RPL14: variants seen among roughly 807,000 people sequenced by gnomAD.
The protein encoded by RPL14 is ribosomal protein L14.
In RPL14, 4 loss-of-function variants were observed where a neutral mutation model predicts 25.3. That is an observed-to-expected ratio of 0.16 (90% confidence interval 0.08 to 0.36). The LOEUF (loss-of-function observed/expected upper bound fraction) is 0.36. Ranked by LOEUF, RPL14 falls within the 10% of genes least tolerant of loss-of-function variation. RPL14 has a pLI of 1.00. For missense variants in RPL14, 212 were observed against 261.9 expected (o/e 0.81, Z 1.31); for synonymous variants, 75 against 89.8 (o/e 0.84, Z 0.93).
chr3:40,464,766 A>G lies in RPL14; in HGVS notation c.*2534A>G. 3.8e-6 allele frequency: 1 copy of G among 265,176 alleles called. No homozygotes were observed. Among genetic ancestry groups the G allele is most frequent in the East Asian group, 8.5e-5 (1 of 11,816 alleles). 16.4% of individuals were successfully genotyped at this position (265,176 alleles called of 1,614,324 possible). A position where few individuals can be genotyped will look rare whatever the true frequency, so the allele number is the denominator to read the frequency against. On this transcript the variant is annotated 3_prime_UTR_variant, in exon 6 of 6. Transcript: ENST00000396203. Reference sequence around the variant, plus strand: ...TTAGGTGGTCTTGATCATGCATTGGACTGCAGAAATAAGGGAGAAAACAAT... The same window carrying G: ...TTAGGTGGTCTTGATCATGCATTGGGCTGCAGAAATAAGGGAGAAAACAAT...
chr3:40,461,807 A>T (rs11707190), intron 5 of RPL14, 132 bp from the exon 6 acceptor site: 5 of 1,270,440 alleles, frequency 3.9e-6, no homozygotes, highest in Admixed American at 5.4e-5. Flanking sequence ...TGATGTCCCT[A>T]TGGAATTGTT....
intron 3 of RPL14, among the ~76,000 whole-genome samples, chr3:40,459,874 A>AAAAC (rs1553649147): frequency 1.3e-5 from 2 of 151,094 alleles, no homozygotes; most frequent in East Asian, 1.9e-4. Flanking sequence ...AAAAAAAAAA[A>AAAAC]AAAAAACTTA....
chr3:40,459,743 C>T (rs1696903371), intron 3 of RPL14, among the ~76,000 whole-genome samples: 1 of 151,044 alleles, frequency 6.6e-6, no homozygotes, highest in South Asian at 2.1e-4. Flanking sequence ...CCTGTAGTCC[C>T]AGCTACTTCA....
At position 40,462,015 on chromosome 3, in the gene RPL14, C is replaced by T. The variant is rs148931839; in HGVS notation, c.431C>T (p.Pro144Leu). 63,517 of 1,427,424 alleles carry T rather than the reference C, an allele frequency of 0.044. 1,385 individuals are homozygous for T. The highest frequency in any genetic ancestry group is 0.052 in the Non-Finnish European group (53,895 of 1,028,108). The allele number at this position is 1,427,424 out of a possible 1,614,324, so 88.4% of individuals were successfully genotyped here. The change falls in exon 6 of 6, where the codon CCT becomes CTT. Residue 144 changes from proline (P) to leucine (L), a missense_variant. Physicochemically the swap from Pro to Leu is moderately conservative, Grantham distance 98. Coordinates refer to ENST00000396203, the MANE Select transcript of RPL14 (RefSeq NM_001034996.3). The part of the protein sequence containing the change: ...ALLKASPKKA[P>L]GTKGTAAAAA... ...CTGAAAGCTTCTCCCAAAAAAGCAC[C>T]TGGTACTAAGGGTACTGCTGCTGCT... is the stretch of plus-strand genomic sequence containing the variant.
chr3:40,458,913 T>C, intron 3 of RPL14, 177 bp downstream of exon 3: 2 of 596,636 alleles, frequency 3.4e-6, no homozygotes, highest in South Asian at 1.9e-5. Context: ...TGATAGCTCA[T>C]GCCTGTAATC....
Position 40,465,670 on chromosome 3 carries a change from G to C in RPL14, c.*3438G>C, listed in dbSNP as rs113571970. 0.044 allele frequency: 6,719 copies of C among 152,302 alleles called. 446 individuals are homozygous for C. Among genetic ancestry groups the C allele is most frequent in the African/African-American group, 0.15 (6,293 of 41,480 alleles). The allele number at this position is 152,302 out of a possible 1,614,324, so 9.4% of individuals were successfully genotyped here. Reference sequence around the variant, plus strand: ...ATGGAGGAAAGGGGAGAGCACTTTTGTCAGACTGCCTGTGGCTTTGAGAGC... The same window carrying C: ...ATGGAGGAAAGGGGAGAGCACTTTTCTCAGACTGCCTGTGGCTTTGAGAGC... On this transcript the variant is annotated 3_prime_UTR_variant, in exon 6 of 6. Transcript: ENST00000396203.
At position 40,457,870 on chromosome 3, in the gene RPL14, C is replaced by T; in HGVS notation, c.4-20C>T. On this transcript the variant is annotated intron_variant, in intron 1 of 5. Transcript: ENST00000396203. ...AGTATTTCTAAGTAAGTTTCACTGT[C>T]CTTTCTCCTCCAATTTTAGGTGTTC... 1.2e-6 allele frequency: 2 copies of T among 1,607,408 alleles called. No homozygotes were observed. Among genetic ancestry groups the T allele is most frequent in the East Asian group, 2.2e-5 (1 of 44,848 alleles).
chr3:40,462,323 TAGG>T lies in RPL14; in HGVS notation c.*95_*97del. 7.9e-7 allele frequency: 1 copy of T among 1,261,462 alleles called. No homozygotes were observed. Among genetic ancestry groups the T allele is most frequent in the Non-Finnish European group, 1.1e-6 (1 of 927,932 alleles). 78.1% of individuals were successfully genotyped at this position (1,261,462 alleles called of 1,614,324 possible). On this transcript the variant is annotated 3_prime_UTR_variant, in exon 6 of 6. Coordinates refer to ENST00000396203, the MANE Select transcript of RPL14 (RefSeq NM_001034996.3). ...ATTTAAAGCCTGTTGAGGCTGGAGTTAGGAGGCAGATTGATAGTAGGATTATAA... is the reference window on the plus strand; with the variant it reads ...ATTTAAAGCCTGTTGAGGCTGGAGTTAGGCAGATTGATAGTAGGATTATAA...
At chr3:40,461,832 G>T in intron 5 of RPL14, 107 bp from the exon 6 acceptor site, 1 of 1,327,686 alleles carries the variant, frequency 7.5e-7, no homozygotes, top group East Asian at 2.3e-5. Context: ...TTCTTCAGAT[G>T]TAGTTGTAGG....
chr3:40,457,652 C>G, intron 1 of RPL14, 178 bp downstream of exon 1: 1 of 670,856 alleles, frequency 1.5e-6, no homozygotes, highest in South Asian at 1.9e-5. Flanking sequence ...GTCCGAGAGC[C>G]TTGTCCTGCC....
At position 40,461,650 on chromosome 3, in the gene RPL14, G is replaced by A. The variant is rs1298488348; in HGVS notation, c.343G>A (p.Ala115Thr). Residue 115 changes from alanine (A) to threonine (T), a missense_variant, in exon 5 of 6, where the codon GCA (alanine) becomes ACA (threonine). By Grantham distance (58) the Ala-to-Thr change is moderately conservative. Transcript: ENST00000396203. ...TDFDRFKVMK[A>T]KKMRNRIIKN... ...TTTTGATCGTTTTAAAGTTATGAAG[G>A]CAAAGAAAATGGTAAGATTTAAGAT... 2 of 1,601,622 alleles carry A rather than the reference G, an allele frequency of 1.2e-6. No homozygotes were observed. The highest frequency in any genetic ancestry group is 1.7e-6 in the Non-Finnish European group (2 of 1,176,202).
chr3:40,464,356 G>GC lies in RPL14; in HGVS notation c.*2125dup, dbSNP rs1161297086. On this transcript the variant is annotated 3_prime_UTR_variant, in exon 6 of 6. Transcript: ENST00000396203. ...AGCACATTGATTTGCTTGATAATAG[G>GC]CAAGTGGTATGGTGTAATAAGGAAA... 2 of 406,476 alleles carry GC rather than the reference G, an allele frequency of 4.9e-6. No individual in the cohort carries two copies. Among genetic ancestry groups the GC allele is most frequent in the African/African-American group, 4.1e-5 (2 of 48,780 alleles). 25.2% of individuals were successfully genotyped at this position (406,476 alleles called of 1,614,324 possible). A position where few individuals can be genotyped will look rare whatever the true frequency, so the allele number is the denominator to read the frequency against.
At chr3:40,460,936 C>G (rs529746595) in intron 3 of RPL14, among the ~76,000 whole-genome samples, 4 of 151,716 alleles carry the variant, frequency 2.6e-5, no homozygotes, top group African/African-American at 7.2e-5. Flanking sequence ...GTGGCTCATA[C>G]CTGTAATCCC....
In RPL14 at chr3:40,464,112, G is replaced by T. The variant is rs1008949156; in HGVS notation, c.*1880G>T. Reference sequence around the variant, plus strand: ...CTCCCAAGTAGCAGGGGTTAAATGCGTGTACCACCATGCCCCTCTAATATT... The same window carrying T: ...CTCCCAAGTAGCAGGGGTTAAATGCTTGTACCACCATGCCCCTCTAATATT... On this transcript the variant is annotated 3_prime_UTR_variant, in exon 6 of 6. Transcript: ENST00000396203. The T allele has an allele frequency of 4.1e-5, 9 of 221,136 alleles. No homozygotes were observed. The highest frequency in any genetic ancestry group is 2.0e-4 in the African/African-American group (9 of 44,494). The allele number at this position is 221,136 out of a possible 1,614,324, so 13.7% of individuals were successfully genotyped here. A position where few individuals can be genotyped will look rare whatever the true frequency, so the allele number is the denominator to read the frequency against.
At chr3:40,459,300 GCTTAAAGTAAACAACAATACTAAGT>G (rs1249734938) in intron 3 of RPL14, 1 of 153,466 alleles carries the variant, frequency 6.5e-6, no homozygotes, top group Non-Finnish European at 1.4e-5. Flanking sequence ...CAAATTTTTA[GCTTAAAGTAAACAACAATACTAAGT>G]CTTGTGTTTA....
In RPL14 at chr3:40,457,350, A is replaced by G. The variant is rs1416239173; in HGVS notation, c.-122A>G. The G allele has an allele frequency of 5.0e-6, 8 of 1,605,830 alleles. No homozygotes were observed. In the Admixed American group the frequency reaches 1.2e-4, roughly 24 times the overall value. The stretch of plus-strand genomic sequence containing the variant: ...GGCGGGTCTTCTTCCTTCTCGCCTA[A>G]CGCCGCCAACATGGTGAGTCTTACT... On this transcript the variant is annotated 5_prime_UTR_variant, in exon 1 of 6. Coordinates refer to ENST00000396203, the MANE Select transcript of RPL14 (RefSeq NM_001034996.3).
At chr3:40,461,540 T>A in intron 4 of RPL14, 34 bp downstream of exon 4, 1 of 1,611,646 alleles carries the variant, frequency 6.2e-7, no homozygotes, top group Non-Finnish European at 8.5e-7. Flanking sequence ...TTCTGGTCCT[T>A]TCTTTTTTTG....
chr3:40,458,178 C>T (rs2125624342), intron 2 of RPL14, 187 bp downstream of exon 2: 1 of 604,154 alleles, frequency 1.7e-6, no homozygotes, highest in South Asian at 2.1e-5. Flanking sequence ...TATTGAATTT[C>T]AGTATTAGCC....
chr3:40,460,528 A>T (rs915702491), intron 3 of RPL14, among the ~76,000 whole-genome samples: 1 of 125,130 alleles, frequency 8.0e-6, no homozygotes, highest in Middle Eastern at 3.9e-3. Context: ...TCAAAAAAAG[A>T]AAAAAAAAAA....
Sources: gnomAD v4.1 joint callset for allele counts (sites outside exome capture counted in the v4.1 genomes callset) on GRCh38, gnomAD v4.1.1 for gene constraint, MANE v1.5 for transcripts, NCBI Gene and HGNC (gene_info 2026-07-23, HGNC 2026-07-21) for gene names.